Variants in MSH4 observed in about 807,000 individuals in gnomAD.
The protein encoded by MSH4 is mutS homolog 4, also known as mutS protein homolog 4.
MSH4 carries 106 observed loss-of-function variants against 113.7 expected under a neutral mutation model. The ratio of observed to expected loss-of-function variants is 0.93; its 90% confidence interval spans 0.80 to 1.10. The LOEUF (loss-of-function observed/expected upper bound fraction) is 1.10. MSH4 is among the 50% of genes least tolerant of loss of function. The pLI is 0.00. For synonymous variants in MSH4, 368 were observed against 380.2 expected (o/e 0.97, Z 0.37); for missense variants, 1,061 against 1,093.7 (o/e 0.97, Z 0.42).
At chr1:75,830,313 T>C (rs1311202467) in intron 7 of MSH4, among the ~76,000 whole-genome samples, 4 of 152,152 alleles carry the variant, frequency 2.6e-5, no homozygotes, top group African/African-American at 7.2e-5. Flanking sequence ...CTACATCTCA[T>C]TGGTGTACCT....
At chr1:75,797,856 G>T (rs1472717450) in intron 1 of MSH4, among the ~76,000 whole-genome samples, 3 of 152,186 alleles carry the variant, frequency 2.0e-5, no homozygotes, top group Non-Finnish European at 4.4e-5. Context: ...TGAGGTGGGA[G>T]GATGGCGAGT....
intron 6 of MSH4, among the ~76,000 whole-genome samples, chr1:75,819,976 A>G (rs991738171): frequency 1.3e-5 from 2 of 152,064 alleles, no homozygotes; most frequent in East Asian, 1.9e-4. Flanking sequence ...TCTGCCTCCC[A>G]AAGTGCTGGG....
In MSH4 at chr1:75,823,199, C is replaced by A. The variant is rs1332294954; in HGVS notation, c.1162+618C>A. Among the ~76,000 whole-genome samples, 3 of 152,202 alleles carry A rather than the reference C, an allele frequency of 2.0e-5. 1 individual carries two copies. Among genetic ancestry groups the A allele is most frequent in the Non-Finnish European group, 2.9e-5 (2 of 68,044 alleles). On this transcript the variant is annotated intron_variant, in intron 7 of 19. Transcript: ENST00000263187. The stretch of plus-strand genomic sequence containing the variant: ...ATGGTTTTCTCCCTGCGTGTCTTCA[C>A]ATTGTCGTCTTATAAAGACACTAGT...
chr1:75,906,200 A>G (rs553021028), intron 19 of MSH4, among the ~76,000 whole-genome samples: 1 of 151,434 alleles, frequency 6.6e-6, no homozygotes, highest in Non-Finnish European at 1.5e-5. Flanking sequence ...CATGTTGTCC[A>G]TGCTGGTCTT....
At chr1:75,891,740 G>A (rs151338530) in intron 17 of MSH4, among the ~76,000 whole-genome samples, 2 of 152,126 alleles carry the variant, frequency 1.3e-5, no homozygotes, top group East Asian at 1.9e-4. Context: ...AGGCTGAGCC[G>A]TCATGCCCAG....
At chr1:75,909,469 TA>T (rs1354692998) in intron 19 of MSH4, among the ~76,000 whole-genome samples, 47 of 122,718 alleles carry the variant, frequency 3.8e-4, no homozygotes, top group Non-Finnish European at 7.3e-4. Context: ...TCCAGAATTG[TA>T]TTTTTTTTTT....
chr1:75,879,269 A>T lies in MSH4; in HGVS notation c.1677+141A>T, dbSNP rs5745455. ...CCTATTCCTACCCACCCACCTAACT[A>T]ATGTACTAATCTAAGAGTGATTTAG... On this transcript the variant is annotated intron_variant, in intron 12 of 19. Transcript: ENST00000263187. 6.8e-5 allele frequency: 48 copies of T among 703,852 alleles called. No homozygotes were observed. In the African/African-American group the frequency reaches 8.0e-4, roughly 12 times the overall value. 43.6% of individuals were successfully genotyped at this position (703,852 alleles called of 1,614,324 possible). A position where few individuals can be genotyped will look rare whatever the true frequency, so the allele number is the denominator to read the frequency against.
chr1:75,826,003 C>T (rs990051205), intron 7 of MSH4, among the ~76,000 whole-genome samples: 5 of 152,168 alleles, frequency 3.3e-5, no homozygotes, highest in Non-Finnish European at 5.9e-5. Context: ...AGGAGTCCCT[C>T]TTATTCTATT....
At chr1:75,908,059 C>T (rs956316708) in intron 19 of MSH4, among the ~76,000 whole-genome samples, 1 of 150,530 alleles carries the variant, frequency 6.6e-6, no homozygotes, top group African/African-American at 2.4e-5. Flanking sequence ...TTTGGAGAGC[C>T]TCTGTAGTTT....
chr1:75,815,373 T>C (rs565443590), intron 5 of MSH4, among the ~76,000 whole-genome samples: 9 of 152,302 alleles, frequency 5.9e-5, no homozygotes, highest in African/African-American at 2.2e-4. Flanking sequence ...AAGGCATATA[T>C]TGCTAACTTA....
rs979733046 is a variant in MSH4 at position 75,797,058 on chromosome 1, T to C, written c.73T>C (p.Ser25Pro). Residue 25 changes from serine (S) to proline (P), a missense_variant, in exon 1 of 20, where the codon TCA becomes CCA. Coordinates refer to ENST00000263187, the MANE Select transcript of MSH4 (RefSeq NM_002440.4). ...AVSPSSGETR[S>P]PQGPRYNFGL... is the part of the protein sequence containing the mutation. Reference sequence around the variant, plus strand: ...TTCCCCGTCGTCGGGAGAAACCCGCTCACCTCAGGGTCCCCGCTACAATTT... The same window carrying C: ...TTCCCCGTCGTCGGGAGAAACCCGCCCACCTCAGGGTCCCCGCTACAATTT... The C allele has an allele frequency of 4.1e-5, 66 of 1,613,912 alleles. No individual in the cohort carries two copies. The highest frequency in any genetic ancestry group is 5.6e-5 in the Non-Finnish European group (66 of 1,179,940).
intron 1 of MSH4, among the ~76,000 whole-genome samples, chr1:75,802,660 T>G (rs1267121620): frequency 6.6e-6 from 1 of 152,014 alleles, no homozygotes; most frequent in Admixed American, 6.6e-5. Flanking sequence ...GGGAGAGAAA[T>G]TCAATGAAGA....
At position 75,890,828 on chromosome 1, in the gene MSH4, T is replaced by A; in HGVS notation, c.2355+4T>A. The A allele has an allele frequency of 6.5e-7, 1 of 1,539,702 alleles. No homozygotes were observed. The highest frequency in any genetic ancestry group is 8.9e-7 in the Non-Finnish European group (1 of 1,122,606). On this transcript the variant is annotated splice_donor_region_variant and intron_variant, in intron 17 of 19. Coordinates refer to ENST00000263187, the MANE Select transcript of MSH4 (RefSeq NM_002440.4). Reference sequence around the variant, plus strand: ...TGAATATCTACTGAGCTTAAAGGTATTCTTTTATTTTAAGTATATTGATTT... The same window carrying A: ...TGAATATCTACTGAGCTTAAAGGTAATCTTTTATTTTAAGTATATTGATTT...
intron 8 of MSH4, among the ~76,000 whole-genome samples, chr1:75,866,892 G>C (rs1651575187): frequency 6.6e-6 from 1 of 151,990 alleles, no homozygotes; most frequent in Non-Finnish European, 1.5e-5. Flanking sequence ...TACTTCATCT[G>C]TCAGTATTGG....
intron 4 of MSH4, among the ~76,000 whole-genome samples, chr1:75,812,169 A>G (rs962565899): frequency 6.6e-6 from 1 of 152,226 alleles, no homozygotes; most frequent in Non-Finnish European, 1.5e-5. Flanking sequence ...GTATTGGCTT[A>G]TGTAACTGGG....
intron 8 of MSH4, among the ~76,000 whole-genome samples, chr1:75,863,864 A>G (rs1272547729): frequency 1.3e-5 from 2 of 152,196 alleles, no homozygotes; most frequent in Non-Finnish European, 2.9e-5. Context: ...GAGAAATAAT[A>G]TACAATACAG....
chr1:75,814,146 A>C (rs2100512946), intron 4 of MSH4, among the ~76,000 whole-genome samples: 1 of 152,060 alleles, frequency 6.6e-6, no homozygotes, highest in East Asian at 1.9e-4. Context: ...TAACAACTTG[A>C]TGCTTTTTAA....
intron 15 of MSH4, 66 bp from the exon 16 acceptor site, chr1:75,889,185 C>A (rs1057414379): frequency 2.6e-6 from 2 of 783,298 alleles, no homozygotes; most frequent in African/African-American, 3.6e-5. Context: ...CTGAGAAGTA[C>A]AAAATGTTAT....
chr1:75,906,436 A>ATATATATATATTATAT (rs1652632237), intron 19 of MSH4, among the ~76,000 whole-genome samples: 1 of 37,758 alleles, frequency 2.6e-5, no homozygotes, highest in Non-Finnish European at 5.2e-5. Flanking sequence ...TATATTTTTA[A>ATATATATATATTATAT]TATATATAAT....
Sources: allele counts gnomAD v4.1 joint callset (sites outside exome capture counted in the v4.1 genomes callset), GRCh38; gene constraint gnomAD v4.1.1; transcripts MANE v1.5; gene names NCBI Gene and HGNC (gene_info 2026-07-23, HGNC 2026-07-21).